The following JAZF1 variants were observed in gnomAD, a reference collection of about 807,000 sequenced individuals.
The protein encoded by JAZF1 is JAZF zinc finger 1, also known as juxtaposed with another zinc finger protein 1.
Under a neutral mutation model 26.4 loss-of-function variants are expected in JAZF1, and 8 were observed. The ratio of observed to expected loss-of-function variants is 0.30; its 90% confidence interval spans 0.18 to 0.55. The LOEUF (loss-of-function observed/expected upper bound fraction) is 0.55, where lower values mean the gene tolerates loss of function less well. Among genes scored for constraint, JAZF1 ranks in the 20% least tolerant of loss-of-function variants. The pLI, the probability that JAZF1 is intolerant of heterozygous loss-of-function variation, is 0.94. For missense variants in JAZF1, 199 were observed against 322.0 expected (o/e 0.62, Z 2.92); for synonymous variants, 126 against 122.3 (o/e 1.03, Z -0.20).
At chr7:28,112,950 G>C (rs911129638) in intron 1 of JAZF1, among the ~76,000 whole-genome samples, 1 of 152,174 alleles carries the variant, frequency 6.6e-6, no homozygotes, top group African/African-American at 2.4e-5. Flanking sequence ...AAAAAATAGT[G>C]AGCCTCTCCA....
intron 3 of JAZF1, among the ~76,000 whole-genome samples, chr7:27,874,720 T>TA (rs1491444738): frequency 0.018 from 8 of 434 alleles, no homozygotes; most frequent in Non-Finnish European, 0.18. Context: ...TTAATCGAGA[T>TA]CCTTATCTGG....
intron 3 of JAZF1, among the ~76,000 whole-genome samples, chr7:27,858,267 G>A (rs1321343000): frequency 6.6e-6 from 1 of 152,162 alleles, no homozygotes; most frequent in East Asian, 1.9e-4. Flanking sequence ...CCATGCTCAT[G>A]GATAGGAAGA....
At chr7:27,997,254 T>C (rs1786035716) in intron 1 of JAZF1, among the ~76,000 whole-genome samples, 1 of 150,934 alleles carries the variant, frequency 6.6e-6, no homozygotes, top group Non-Finnish European at 1.5e-5. Context: ...AATAGGGGGG[T>C]TGTTTAAAAG....
At chr7:27,970,424 T>G (rs1260515735) in intron 2 of JAZF1, among the ~76,000 whole-genome samples, 1 of 152,074 alleles carries the variant, frequency 6.6e-6, no homozygotes, top group East Asian at 1.9e-4. Flanking sequence ...AAGAGATCTG[T>G]GAACCTGGAC....
chr7:27,846,491 G>A (rs1424727830), intron 3 of JAZF1: 2 of 470,998 alleles, frequency 4.2e-6, no homozygotes, highest in Non-Finnish European at 8.8e-6. Context: ...CTTGTCTGCT[G>A]TAATGCTGGG....
chr7:28,111,768 G>T (rs1338328311), intron 1 of JAZF1, among the ~76,000 whole-genome samples: 1 of 152,116 alleles, frequency 6.6e-6, no homozygotes, highest in Non-Finnish European at 1.5e-5. Flanking sequence ...CTTCCCAGGG[G>T]TGTGTGTGTG....
intron 1 of JAZF1, among the ~76,000 whole-genome samples, chr7:28,177,102 G>A (rs1179790838): frequency 6.6e-6 from 1 of 152,110 alleles, no homozygotes; most frequent in East Asian, 1.9e-4. Context: ...GCAGGGCTAC[G>A]GGATTTCTCG....
intron 2 of JAZF1, among the ~76,000 whole-genome samples, chr7:27,919,882 T>C (rs1030803093): frequency 6.6e-6 from 1 of 152,172 alleles, no homozygotes; most frequent in African/African-American, 2.4e-5. Context: ...TCAATCCTGG[T>C]TTCCAAACAA....
intron 1 of JAZF1, among the ~76,000 whole-genome samples, chr7:28,137,771 A>T (rs529372494): frequency 2.6e-4 from 40 of 152,332 alleles, no homozygotes; most frequent in African/African-American, 8.7e-4. Context: ...ACCATCTGGC[A>T]ACTGAGAGCC....
intron 1 of JAZF1, among the ~76,000 whole-genome samples, chr7:28,000,457 G>C (rs971965581): frequency 6.6e-6 from 1 of 152,116 alleles, no homozygotes; most frequent in Non-Finnish European, 1.5e-5. Flanking sequence ...GAGAAACAGA[G>C]CTATTGCTCC....
At chr7:28,033,754 G>A (rs1297462084) in intron 1 of JAZF1, among the ~76,000 whole-genome samples, 2 of 151,906 alleles carry the variant, frequency 1.3e-5, no homozygotes, top group African/African-American at 4.8e-5. Flanking sequence ...CTTTTTTGGG[G>A]GGGCAATGGG....
intron 1 of JAZF1, among the ~76,000 whole-genome samples, chr7:28,043,346 T>C (rs1276218226): frequency 6.6e-6 from 1 of 152,160 alleles, no homozygotes; most frequent in African/African-American, 2.4e-5. Flanking sequence ...CACCTGCATC[T>C]TTCGGCTCAA....
At chr7:28,158,168 A>AAACAC (rs1562606798) in intron 1 of JAZF1, among the ~76,000 whole-genome samples, 2 of 142,486 alleles carry the variant, frequency 1.4e-5, no homozygotes, top group East Asian at 4.2e-4. Context: ...CACACACACA[A>AAACAC]ACACACACAC....
At chr7:28,081,736 G>A (rs1784140665) in intron 1 of JAZF1, among the ~76,000 whole-genome samples, 1 of 152,246 alleles carries the variant, frequency 6.6e-6, no homozygotes, top group Non-Finnish European at 1.5e-5. Context: ...AAAACTTTGT[G>A]GAGGATGGGT....
At chr7:28,018,521 A>G (rs888107161) in intron 1 of JAZF1, among the ~76,000 whole-genome samples, 1 of 152,208 alleles carries the variant, frequency 6.6e-6, no homozygotes, top group Non-Finnish European at 1.5e-5. Context: ...CCGTTGTCCT[A>G]GCATCATTAT....
Position 27,832,004 on chromosome 7 carries a change from A to G in JAZF1, c.*796T>C, listed in dbSNP as rs1210213269. The G allele has an allele frequency of 4.6e-6, 1 of 217,868 alleles. No individual in the cohort carries two copies. The allele number at this position is 217,868 out of a possible 1,614,324, so 13.5% of individuals were successfully genotyped here. A position where few individuals can be genotyped will look rare whatever the true frequency, so the allele number is the denominator to read the frequency against. Reference sequence around the variant, plus strand: ...GAAAAAAGTATTTCACTAAATGGGTATCTTGGTCCGCAGATATCAATAGGC... The same window carrying G: ...GAAAAAAGTATTTCACTAAATGGGTGTCTTGGTCCGCAGATATCAATAGGC... On this transcript the variant is annotated 3_prime_UTR_variant, in exon 5 of 5. Transcript: ENST00000283928.
At chr7:27,884,462 T>C (rs1783825204) in intron 3 of JAZF1, among the ~76,000 whole-genome samples, 1 of 152,172 alleles carries the variant, frequency 6.6e-6, no homozygotes, top group Non-Finnish European at 1.5e-5. Flanking sequence ...AATGTATACA[T>C]TTGTGAAACC....
At chr7:28,146,201 G>A (rs1449956107) in intron 1 of JAZF1, among the ~76,000 whole-genome samples, 3 of 152,222 alleles carry the variant, frequency 2.0e-5, no homozygotes, top group African/African-American at 7.2e-5. Flanking sequence ...GAAATGCCTA[G>A]CCATACTAAG....
At chr7:28,081,512 T>C (rs959723151) in intron 1 of JAZF1, among the ~76,000 whole-genome samples, 4 of 152,174 alleles carry the variant, frequency 2.6e-5, no homozygotes, top group African/African-American at 2.4e-5. Context: ...TTCACGCTGC[T>C]TAGCTGGGGT....
Sources: gnomAD v4.1 joint callset for allele counts (sites outside exome capture counted in the v4.1 genomes callset) on GRCh38, gnomAD v4.1.1 for gene constraint, MANE v1.5 for transcripts, NCBI Gene and HGNC (gene_info 2026-07-23, HGNC 2026-07-21) for gene names.